TMEFF1: variants seen among roughly 807,000 people sequenced by gnomAD.
The protein encoded by TMEFF1 is transmembrane protein with EGF like and two follistatin like domains 1, also known as tomoregulin-1.
A neutral mutation model predicts 47.5 loss-of-function variants in TMEFF1; 20 were observed. That is an observed-to-expected ratio of 0.42 (90% CI 0.30 to 0.61). TMEFF1 has a LOEUF of 0.61. Ranked by LOEUF, TMEFF1 falls within the 20% of genes least tolerant of loss-of-function variation. The pLI, the probability that TMEFF1 is intolerant of heterozygous loss-of-function variation, is 0.19. For missense variants in TMEFF1, 411 were observed against 471.1 expected, an observed-to-expected ratio of 0.87 and a Z score of 1.18; for synonymous variants, 162 against 166.3, an observed-to-expected ratio of 0.97 and a Z score of 0.20.
rs539664708 is a variant in TMEFF1 at position 100,558,092 on chromosome 9, T to C, written c.776-3305T>C. Among the ~76,000 whole-genome samples, 85 of 152,320 alleles carry C rather than the reference T, an allele frequency of 5.6e-4. 2 individuals carry two copies. The South Asian group carries it at 6.4e-3, about 12-fold the overall frequency. ...ATTGGTGCCATACTTTTCTTATTAATTTCTCAAAACCTTGTTTTTAATTTG... is the reference window on the plus strand; with the variant it reads ...ATTGGTGCCATACTTTTCTTATTAACTTCTCAAAACCTTGTTTTTAATTTG... On this transcript the variant is annotated intron_variant, in intron 7 of 9. Coordinates refer to ENST00000374879, the MANE Select transcript of TMEFF1 (RefSeq NM_003692.5).
intron 5 of TMEFF1, among the ~76,000 whole-genome samples, chr9:100,528,356 G>T (rs1461013217): frequency 6.8e-6 from 1 of 147,958 alleles, no homozygotes; most frequent in African/African-American, 2.6e-5. Flanking sequence ...AAATTTAGAA[G>T]AATGTATAAC....
At chr9:100,539,949 C>T (rs1327838012) in intron 5 of TMEFF1, among the ~76,000 whole-genome samples, 1 of 152,188 alleles carries the variant, frequency 6.6e-6, no homozygotes, top group East Asian at 1.9e-4. Context: ...TCCAAGTCCC[C>T]TACCCAATTA....
chr9:100,498,138 G>C (rs1837691988), intron 1 of TMEFF1, among the ~76,000 whole-genome samples: 1 of 152,068 alleles, frequency 6.6e-6, no homozygotes, highest in African/African-American at 2.4e-5. Flanking sequence ...GATTGGCTCT[G>C]CTTGCTTTGG....
intron 1 of TMEFF1, among the ~76,000 whole-genome samples, chr9:100,480,465 A>G (rs1223151481): frequency 6.6e-6 from 1 of 152,240 alleles, no homozygotes; most frequent in Non-Finnish European, 1.5e-5. Flanking sequence ...AAAAGACTTG[A>G]TAAAGACAAG....
intron 5 of TMEFF1, among the ~76,000 whole-genome samples, chr9:100,543,147 C>T (rs775285318): frequency 1.3e-5 from 2 of 152,078 alleles, no homozygotes; most frequent in East Asian, 1.9e-4. Context: ...AGGCTGGTCA[C>T]GAACTCCTGA....
At chr9:100,487,259 G>T (rs570367390) in intron 1 of TMEFF1, among the ~76,000 whole-genome samples, 29 of 152,210 alleles carry the variant, frequency 1.9e-4, no homozygotes, top group African/African-American at 7.0e-4. Context: ...TACCTCCTGG[G>T]TTCAAGCAAT....
Position 100,531,642 on chromosome 9 carries a change from C to T in TMEFF1, c.560+14871C>T, listed in dbSNP as rs1206504361. On this transcript the variant is annotated intron_variant, in intron 5 of 9. Coordinates refer to ENST00000374879, the MANE Select transcript of TMEFF1 (RefSeq NM_003692.5). ...GCTCATGGGTAGGAAGAATCAATAT[C>T]GTGAAAATGGCCATACTGCCCAAGG... Among the ~76,000 whole-genome samples the T allele has an allele frequency of 5.9e-5, 9 of 152,122 alleles. No individual in the cohort carries two copies. The East Asian group carries it at 9.6e-4, about 16-fold the overall frequency.
chr9:100,481,465 G>A (rs1837336886), intron 1 of TMEFF1, among the ~76,000 whole-genome samples: 1 of 152,204 alleles, frequency 6.6e-6, no homozygotes, highest in African/African-American at 2.4e-5. Context: ...TTTAGGAAAG[G>A]CACAAAGGTG....
chr9:100,480,297 T>C (rs1564261222), intron 1 of TMEFF1, among the ~76,000 whole-genome samples: 1 of 152,200 alleles, frequency 6.6e-6, no homozygotes, highest in Non-Finnish European at 1.5e-5. Context: ...CTAAGTTGGC[T>C]CTCGTTTGTC....
chr9:100,487,466 C>T (rs1837470856), intron 1 of TMEFF1, among the ~76,000 whole-genome samples: 2 of 152,156 alleles, frequency 1.3e-5, no homozygotes, highest in African/African-American at 4.8e-5. Flanking sequence ...CTGCGCCCAG[C>T]CTCCTTCTCT....
At chr9:100,475,969 G>A (rs1315299046) in intron 1 of TMEFF1, among the ~76,000 whole-genome samples, 2 of 152,054 alleles carry the variant, frequency 1.3e-5, no homozygotes, top group African/African-American at 4.8e-5. Context: ...AGGGGTCATG[G>A]TCCTTGTTAA....
At chr9:100,526,953 TACAA>T (rs1309623913) in intron 5 of TMEFF1, among the ~76,000 whole-genome samples, 1 of 4,080 alleles carries the variant, frequency 2.5e-4, no homozygotes, top group African/African-American at 7.2e-4. Context: ...CTGCTAAAAA[TACAA>T]AAAAAAAAAA....
intron 1 of TMEFF1, among the ~76,000 whole-genome samples, chr9:100,476,657 T>C (rs934117076): frequency 6.6e-6 from 1 of 151,088 alleles, no homozygotes; most frequent in African/African-American, 2.4e-5. Context: ...CCTCCCAAAG[T>C]GTTGAGATTA....
chr9:100,572,249 GCAA>G (rs1243827295), intron 8 of TMEFF1, among the ~76,000 whole-genome samples: 1 of 151,912 alleles, frequency 6.6e-6, no homozygotes, highest in East Asian at 1.9e-4. Flanking sequence ...AAAAGCAAAA[GCAA>G]CAATAACAAA....
At chr9:100,501,091 G>A (rs1837748703) in intron 2 of TMEFF1, among the ~76,000 whole-genome samples, 1 of 152,178 alleles carries the variant, frequency 6.6e-6, no homozygotes, top group Non-Finnish European at 1.5e-5. Context: ...TTGTCCTCAA[G>A]TCTGTTATCT....
intron 8 of TMEFF1, among the ~76,000 whole-genome samples, chr9:100,565,907 T>G (rs1205128080): frequency 6.6e-6 from 1 of 152,172 alleles, no homozygotes; most frequent in South Asian, 2.1e-4. Flanking sequence ...CTAAAGTCTA[T>G]CTCCAGTTCC....
intron 7 of TMEFF1, among the ~76,000 whole-genome samples, chr9:100,552,816 C>T (rs768519453): frequency 8.6e-5 from 13 of 150,462 alleles, no homozygotes; most frequent in African/African-American, 9.8e-5. Flanking sequence ...CAACTGAGAT[C>T]GCACCACTAC....
chr9:100,503,535 A>AACACACACACACACAC (rs66485935), intron 2 of TMEFF1, among the ~76,000 whole-genome samples: 4 of 143,938 alleles, frequency 2.8e-5, no homozygotes, highest in African/African-American at 1.0e-4. Context: ...GAGAAACAGA[A>AACACACACACACACAC]ACACACACAC....
rs546234449 is a variant in TMEFF1, at chr9:100,522,984, C to A, written c.560+6213C>A. 2.0e-5 allele frequency among the ~76,000 whole-genome samples: 3 copies of A among 152,228 alleles called. 1 individual carries two copies. The South Asian group carries it at 6.2e-4, about 32-fold the overall frequency. On this transcript the variant is annotated intron_variant, in intron 5 of 9. Coordinates refer to ENST00000374879, the MANE Select transcript of TMEFF1 (RefSeq NM_003692.5). ...TGATCTCCTGACTTAGTGATTCGCC[C>A]GCCTCAGCTTCCCAAAGTGCTGGGA... is the stretch of plus-strand genomic sequence containing the variant.
Sources: allele counts gnomAD v4.1 joint callset (sites outside exome capture counted in the v4.1 genomes callset), GRCh38; gene constraint gnomAD v4.1.1; transcripts MANE v1.5; gene names NCBI Gene and HGNC (gene_info 2026-07-23, HGNC 2026-07-21).